Variants in ZNF423 observed in about 807,000 individuals in gnomAD.
ZNF423 encodes the protein Ebf-associated zinc finger protein.
ZNF423 carries 12 observed loss-of-function variants against 95.8 expected under a neutral mutation model. The ratio of observed to expected loss-of-function variants is 0.13; its 90% CI spans 0.08 to 0.20. The LOEUF (loss-of-function observed/expected upper bound fraction) is 0.20. ZNF423 is among the 10% of genes least tolerant of loss of function. ZNF423 has a pLI of 1.00. For missense variants in ZNF423, 1,316 were observed against 1,737.1 expected (o/e 0.76, Z 4.31); for synonymous variants, 749 against 711.9 (o/e 1.05, Z -0.83).
chr16:49,669,365 G>T (rs1395412244), intron 3 of ZNF423, among the ~76,000 whole-genome samples: 1 of 151,368 alleles, frequency 6.6e-6, no homozygotes, highest in Non-Finnish European at 1.5e-5. Context: ...AAAAAGAAAA[G>T]AAAAAAAAAT....
intron 4 of ZNF423, among the ~76,000 whole-genome samples, 198 bp from the exon 5 acceptor site, chr16:49,626,452 C>T (rs1183994392): frequency 2.0e-5 from 3 of 152,046 alleles, no homozygotes; most frequent in African/African-American, 4.8e-5. Context: ...AGCTACATTC[C>T]AAGGGAGCTG....
chr16:49,703,932 G>T (rs1162285007), intron 3 of ZNF423, among the ~76,000 whole-genome samples: 1 of 152,234 alleles, frequency 6.6e-6, no homozygotes, highest in Non-Finnish European at 1.5e-5. Context: ...GTGAAGAGGT[G>T]AGTGAAGCAA....
At chr16:49,714,260 C>T (rs2032635482) in intron 3 of ZNF423, among the ~76,000 whole-genome samples, 1 of 152,186 alleles carries the variant, frequency 6.6e-6, no homozygotes, top group African/African-American at 2.4e-5. Flanking sequence ...GTGCTTACCT[C>T]CTTATTATCT....
intron 3 of ZNF423, among the ~76,000 whole-genome samples, chr16:49,716,283 G>A (rs377337247): frequency 6.6e-6 from 1 of 152,010 alleles, no homozygotes; most frequent in East Asian, 1.9e-4. Flanking sequence ...ACCCGCTCCA[G>A]CAGATCTGAC....
intron 2 of ZNF423, among the ~76,000 whole-genome samples, chr16:49,767,311 G>C (rs1346908610): frequency 6.6e-6 from 1 of 152,062 alleles, no homozygotes; most frequent in Non-Finnish European, 1.5e-5. Flanking sequence ...AACAACATGG[G>C]GGACTTCAAA....
intron 5 of ZNF423, among the ~76,000 whole-genome samples, chr16:49,534,222 A>G (rs1202161670): frequency 6.7e-6 from 1 of 148,530 alleles, no homozygotes; most frequent in Non-Finnish European, 1.5e-5. Context: ...TATTACTGCT[A>G]TTGTTACTTC....
intron 1 of ZNF423, among the ~76,000 whole-genome samples, chr16:49,849,901 T>A (rs572638886): frequency 6.6e-6 from 1 of 152,172 alleles, no homozygotes; most frequent in Non-Finnish European, 1.5e-5. Context: ...TGGGAGGCCG[T>A]CCCGCTGTCA....
intron 5 of ZNF423, among the ~76,000 whole-genome samples, chr16:49,542,371 T>C (rs1168817975): frequency 6.6e-6 from 1 of 152,212 alleles, no homozygotes; most frequent in Non-Finnish European, 1.5e-5. Context: ...GGGGATATAA[T>C]TGTGCTTGAT....
intron 1 of ZNF423, among the ~76,000 whole-genome samples, chr16:49,848,584 A>G (rs1400895312): frequency 6.6e-6 from 1 of 152,064 alleles, no homozygotes; most frequent in Admixed American, 6.5e-5. Flanking sequence ...TATCTGGGAG[A>G]GGGAAATTGC....
chr16:49,766,950 T>C (rs1326480443), intron 2 of ZNF423, among the ~76,000 whole-genome samples: 1 of 151,918 alleles, frequency 6.6e-6, no homozygotes, highest in Non-Finnish European at 1.5e-5. Flanking sequence ...CAGAACCCAA[T>C]TCTTTTTTTT....
intron 5 of ZNF423, among the ~76,000 whole-genome samples, chr16:49,548,451 G>A (rs1033095466): frequency 1.3e-5 from 2 of 152,086 alleles, no homozygotes; most frequent in Admixed American, 6.6e-5. Flanking sequence ...ACATAAATCT[G>A]ATGCGGATTT....
chr16:49,672,797 G>A (rs1411951923), intron 3 of ZNF423, among the ~76,000 whole-genome samples: 1 of 152,106 alleles, frequency 6.6e-6, no homozygotes, highest in Non-Finnish European at 1.5e-5. Context: ...CAGTCTGGGC[G>A]ACAGAGTGAA....
In ZNF423 at chr16:49,499,639, T is replaced by G. The variant is rs1020004176; in HGVS notation, c.3850-8335A>C. On this transcript the variant is annotated intron_variant, in intron 7 of 7. Transcript: ENST00000563137. ...TATGGAGCCGAGGCGGGGAGGAGGGTGCCCCCCACTTTCCGTGAACCCCCT... is the reference window on the plus strand; with the variant it reads ...TATGGAGCCGAGGCGGGGAGGAGGGGGCCCCCCACTTTCCGTGAACCCCCT... Among the ~76,000 whole-genome samples, 6 of 151,888 alleles carry G rather than the reference T, an allele frequency of 4.0e-5. No individual in the cohort carries two copies. The South Asian group carries it at 1.0e-3, about 26-fold the overall frequency.
At chr16:49,509,395 A>G (rs1398710645) in intron 7 of ZNF423, among the ~76,000 whole-genome samples, 2 of 152,208 alleles carry the variant, frequency 1.3e-5, no homozygotes, top group Admixed American at 6.5e-5. Context: ...AAACTTCAGA[A>G]GCAGAATGAG....
At chr16:49,557,156 G>A (rs1969854056) in intron 5 of ZNF423, among the ~76,000 whole-genome samples, 1 of 152,242 alleles carries the variant, frequency 6.6e-6, no homozygotes, top group African/African-American at 2.4e-5. Context: ...AGTGACCAGG[G>A]CGTGCAGGGC....
chr16:49,623,112 C>T (rs1230064112), intron 5 of ZNF423, among the ~76,000 whole-genome samples: 2 of 152,140 alleles, frequency 1.3e-5, no homozygotes, highest in Admixed American at 6.5e-5. Flanking sequence ...CTGGCTCACC[C>T]GGGGTTCCAT....
At chr16:49,780,337 C>T (rs1167801720) in intron 2 of ZNF423, among the ~76,000 whole-genome samples, 1 of 152,226 alleles carries the variant, frequency 6.6e-6, no homozygotes, top group Admixed American at 6.5e-5. Flanking sequence ...CCACCTCCTC[C>T]TCAGAGAACT....
chr16:49,732,167 C>T (rs549566128), intron 2 of ZNF423, among the ~76,000 whole-genome samples: 23 of 152,276 alleles, frequency 1.5e-4, no homozygotes, highest in Admixed American at 9.2e-4. Context: ...GAAGCAACAG[C>T]CCAAGCACCC....
chr16:49,683,175 C>G (rs777903530), intron 3 of ZNF423, among the ~76,000 whole-genome samples: 1 of 152,134 alleles, frequency 6.6e-6, no homozygotes, highest in African/African-American at 2.4e-5. Context: ...ATTCACTCAA[C>G]AAATACTCAG....
Sources: allele counts gnomAD v4.1 joint callset (sites outside exome capture counted in the v4.1 genomes callset), GRCh38; gene constraint gnomAD v4.1.1; transcripts MANE v1.5; gene names NCBI Gene and HGNC (gene_info 2026-07-23, HGNC 2026-07-21).